The following MICAL2 variants were observed in gnomAD, a reference collection of about 807,000 sequenced individuals.
MICAL2 encodes microtubule associated monooxygenase, calponin and LIM domain containing 2.
A neutral mutation model predicts 127.3 loss-of-function variants in MICAL2; 77 were observed. That is an observed-to-expected ratio of 0.60 (90% confidence interval 0.50 to 0.73). MICAL2 has a LOEUF of 0.73. MICAL2 is among the 30% of genes least tolerant of loss of function. MICAL2 has a pLI of 0.00. For synonymous variants in MICAL2, 570 were observed against 551.1 expected (o/e 1.03, Z -0.48); for missense variants, 1,351 against 1,434.4 (o/e 0.94, Z 0.94).
intron 2 of MICAL2, among the ~76,000 whole-genome samples, chr11:12,145,916 A>C (rs562946840): frequency 6.6e-5 from 10 of 152,370 alleles, no homozygotes; most frequent in Non-Finnish European, 1.3e-4. Flanking sequence ...AACATTAATG[A>C]CAATATAAAC....
chr11:12,221,952 G>C (rs1856862492), intron 10 of MICAL2, among the ~76,000 whole-genome samples, 193 bp downstream of exon 10: 1 of 152,182 alleles, frequency 6.6e-6, no homozygotes, highest in African/African-American at 2.4e-5. Context: ...GACTCTTACA[G>C]TGACTTTCTC....
At chr11:12,301,483 G>T (rs1347579736) in intron 29 of MICAL2, among the ~76,000 whole-genome samples, 1 of 152,154 alleles carries the variant, frequency 6.6e-6, no homozygotes, top group African/African-American at 2.4e-5. Context: ...TATTTTTGGT[G>T]TACATATGTG....
chr11:12,226,118 C>T (rs2270507), intron 13 of MICAL2, 53 bp from the exon 14 acceptor site: 60,703 of 1,585,552 alleles, frequency 0.038, 2,519 homozygotes, highest in East Asian at 0.26. Flanking sequence ...GCTCAGCTCG[C>T]CACACCTCTG....
At chr11:12,302,002 C>A (rs990676266) in intron 29 of MICAL2, among the ~76,000 whole-genome samples, 1 of 152,182 alleles carries the variant, frequency 6.6e-6, no homozygotes, top group African/African-American at 2.4e-5. Context: ...CATCCCGTGT[C>A]GGCTAAAACA....
At chr11:12,264,296 C>T (rs1863510438), downstream of MICAL2, among the ~76,000 whole-genome samples, 1 of 152,180 alleles carries the variant, frequency 6.6e-6, no homozygotes, top group South Asian at 2.1e-4. Flanking sequence ...ATGAAGTTGG[C>T]AGTGTGCTCA....
downstream of MICAL2, among the ~76,000 whole-genome samples, chr11:12,295,222 C>A (rs1863971121): frequency 6.6e-6 from 1 of 151,624 alleles, no homozygotes; most frequent in Non-Finnish European, 1.5e-5. Context: ...TCACTGCAAC[C>A]TCTGTCTCTC....
At chr11:12,223,701 CATT>C (rs2134297588) in intron 12 of MICAL2, among the ~76,000 whole-genome samples, 200 bp downstream of exon 12, 1 of 152,282 alleles carries the variant, frequency 6.6e-6, no homozygotes, top group East Asian at 1.9e-4. Context: ...CCCAGAGAAT[CATT>C]ATGAAGATGA....
At chr11:12,262,022 T>C in intron 26 of MICAL2, 7 of 1,010,444 alleles carry the variant, frequency 6.9e-6, no homozygotes, top group African/African-American at 1.7e-5. Context: ...CTGACTGTCG[T>C]GTACAGCCAT....
At chr11:12,262,065 A>G (rs968694720) in intron 26 of MICAL2, 24 of 1,073,564 alleles carry the variant, frequency 2.2e-5, no homozygotes, top group African/African-American at 1.8e-4. Context: ...GTGGCGAGAC[A>G]GGGCGTGCCT....
intron 32 of MICAL2, among the ~76,000 whole-genome samples, chr11:12,344,036 C>A (rs1384039313): frequency 6.6e-6 from 1 of 152,200 alleles, no homozygotes; most frequent in Admixed American, 6.5e-5. Context: ...TTGGTGACAC[C>A]TGCAATCCCA....
chr11:12,135,990 C>T (rs1226169675), intron 1 of MICAL2, among the ~76,000 whole-genome samples: 2 of 152,112 alleles, frequency 1.3e-5, no homozygotes, highest in African/African-American at 4.8e-5. Flanking sequence ...TTACTGAGGG[C>T]CTGGAGGCTC....
upstream of MICAL2, chr11:12,274,327 C>T (rs1340712230): frequency 1.3e-5 from 2 of 152,194 alleles, no homozygotes; most frequent in Non-Finnish European, 2.9e-5. Flanking sequence ...CACTGAACGC[C>T]TACCGTTCAC....
chr11:12,288,327 G>A (rs1293258703), downstream of MICAL2, among the ~76,000 whole-genome samples: 1 of 152,222 alleles, frequency 6.6e-6, no homozygotes, highest in African/African-American at 2.4e-5. Flanking sequence ...CTATATGAGT[G>A]TAGGGTCCAT....
chr11:12,208,000 C>G (rs1253849783), intron 4 of MICAL2, 23 bp from the exon 5 acceptor site: 2 of 1,572,806 alleles, frequency 1.3e-6, no homozygotes, highest in East Asian at 4.5e-5. Context: ...TGTGACAGTT[C>G]CTCTCTCCTT....
intron 1 of MICAL2, among the ~76,000 whole-genome samples, chr11:12,125,238 A>C (rs938959729): frequency 6.6e-6 from 1 of 152,128 alleles, no homozygotes; most frequent in East Asian, 1.9e-4. Context: ...TCTTTATTTC[A>C]TGGGCTTTTC....
chr11:12,252,698 GA>G (rs1217013407), intron 22 of MICAL2: 1 of 152,364 alleles, frequency 6.6e-6, no homozygotes, highest in African/African-American at 2.4e-5. Flanking sequence ...AGGAATAGGG[GA>G]GCTGTGGTGA....
At position 12,308,788 on chromosome 11, in the gene MICAL2, G is replaced by A. The variant is rs564260765; in HGVS notation, c.5213-10908G>A. Among the ~76,000 whole-genome samples, 8 of 152,298 alleles carry A rather than the reference G, an allele frequency of 5.3e-5. No homozygotes were observed. The South Asian group carries it at 8.3e-4, about 16-fold the overall frequency. On this transcript the variant is annotated intron_variant, in intron 29 of 34. Transcript: ENST00000646065. ...ACAGAGCTGAATAGAAGTGGTGATA[G>A]TGTACACCATTGTCTCTTTCCCAAT... is the stretch of plus-strand genomic sequence containing the variant.
intron 31 of MICAL2, chr11:12,324,221 G>A (rs1590737911): frequency 8.8e-6 from 8 of 912,982 alleles, no homozygotes; most frequent in African/African-American, 1.7e-5. Context: ...ATTTGTGGCC[G>A]TTTTAAAGAG....
rs572624731 is a variant in MICAL2, at chr11:12,200,251, C to T, written c.265-3999C>T. Among the ~76,000 whole-genome samples, 14 of 152,258 alleles carry T rather than the reference C, an allele frequency of 9.2e-5. No homozygotes were observed. In the East Asian group the frequency reaches 1.9e-3, roughly 21 times the overall value. On this transcript the variant is annotated intron_variant, in intron 3 of 27. Transcript: ENST00000683283. ...AGAAAGGACACAGCTCATGGGAGCG[C>T]GGGGCAGGAGCTTAAAATCTCATTG...
Sources: allele counts gnomAD v4.1 joint callset (sites outside exome capture counted in the v4.1 genomes callset), GRCh38; gene constraint gnomAD v4.1.1; transcripts MANE v1.5; gene names NCBI Gene and HGNC (gene_info 2026-07-23, HGNC 2026-07-21).